Variants in LDLRAD4 observed in about 807,000 individuals in gnomAD.
LDLRAD4 encodes the protein low-density lipoprotein receptor class A domain-containing protein 4.
LDLRAD4 carries 5 observed loss-of-function variants against 17.0 expected under a neutral mutation model. The observed-to-expected ratio is 0.29, with a 90% CI of 0.15 to 0.62. LDLRAD4 has a LOEUF of 0.62. Ranked by LOEUF, LDLRAD4 falls within the 20% of genes least tolerant of loss-of-function variation. The pLI is 0.84. For synonymous variants in LDLRAD4, 168 were observed against 171.8 expected, an observed-to-expected ratio of 0.98 and a Z score of 0.17; for missense variants, 340 against 424.7, an observed-to-expected ratio of 0.80 and a Z score of 1.75.
chr18:13,474,438 T>C (rs2092883669), intron 3 of LDLRAD4, among the ~76,000 whole-genome samples: 2 of 152,134 alleles, frequency 1.3e-5, no homozygotes, highest in Admixed American at 6.5e-5. Context: ...GGAAGCAACA[T>C]TGGGAAGCGG....
chr18:13,557,247 A>G (rs2094493302), intron 3 of LDLRAD4, among the ~76,000 whole-genome samples: 1 of 152,240 alleles, frequency 6.6e-6, no homozygotes, highest in Non-Finnish European at 1.5e-5. Flanking sequence ...ACAGTGAGCT[A>G]TGATCACAAC....
intron 3 of LDLRAD4, among the ~76,000 whole-genome samples, chr18:13,548,908 G>A (rs138696559): frequency 1.6e-3 from 238 of 152,306 alleles, no homozygotes; most frequent in African/African-American, 5.6e-3. Context: ...ATATGAGATG[G>A]GATAATGCAA....
chr18:13,404,659 G>T (rs2087555237), intron 2 of LDLRAD4, among the ~76,000 whole-genome samples: 2 of 152,034 alleles, frequency 1.3e-5, no homozygotes, highest in Non-Finnish European at 1.5e-5. Flanking sequence ...TTAGCCGGGT[G>T]TAGTGGTGAG....
chr18:13,621,307 C>A lies in LDLRAD4; in HGVS notation c.336+36C>A, dbSNP rs775659446. 27 of 1,552,078 alleles carry A rather than the reference C, an allele frequency of 1.7e-5. No individual in the cohort carries two copies. The highest frequency in any genetic ancestry group is 2.3e-5 in the Non-Finnish European group (26 of 1,130,814). ...TGGCCGCCCCGGCTCCAGAGTCAGG[C>A]AGCTGCAAGAGGCTTAGGAGCCCAT... On this transcript the variant is annotated intron_variant, in intron 4 of 5. Transcript: ENST00000359446. This position sits in a 1 kb window ranked among gnomAD's most constrained non-coding sequence, Gnocchi z 5.5.
intron 4 of LDLRAD4, among the ~76,000 whole-genome samples, chr18:13,629,083 A>G (rs937095042): frequency 7.2e-5 from 11 of 152,294 alleles, no homozygotes; most frequent in African/African-American, 2.6e-4. Flanking sequence ...TTCCCACTTC[A>G]GCCTCCCAAA....
At chr18:13,272,926 A>G (rs372200021) in intron 1 of LDLRAD4, among the ~76,000 whole-genome samples, 22 of 152,354 alleles carry the variant, frequency 1.4e-4, no homozygotes, top group South Asian at 4.1e-4. Flanking sequence ...CTTGGCTTCA[A>G]TTTACTCAGA....
chr18:13,553,154 AT>A (rs1316121202), intron 3 of LDLRAD4, among the ~76,000 whole-genome samples: 2 of 152,258 alleles, frequency 1.3e-5, no homozygotes, highest in African/African-American at 4.8e-5. Context: ...ATAGATGGAA[AT>A]AAATAATAAA....
At chr18:13,416,904 A>G (rs868299811) in intron 2 of LDLRAD4, among the ~76,000 whole-genome samples, 7 of 152,338 alleles carry the variant, frequency 4.6e-5, no homozygotes, top group African/African-American at 7.2e-5. Flanking sequence ...TTCTATTTAT[A>G]TTATTTCAAT....
intron 1 of LDLRAD4, among the ~76,000 whole-genome samples, chr18:13,222,843 C>T (rs1285936247): frequency 6.6e-6 from 1 of 152,222 alleles, no homozygotes; most frequent in Non-Finnish European, 1.5e-5. Context: ...AGCTTCTTCC[C>T]AGGAGACCTC....
At chr18:13,251,122 A>G (rs1324603427) in intron 1 of LDLRAD4, among the ~76,000 whole-genome samples, 1 of 152,248 alleles carries the variant, frequency 6.6e-6, no homozygotes, top group Admixed American at 6.5e-5. Context: ...ATGAAGGACA[A>G]AAACCACATG....
intron 3 of LDLRAD4, chr18:13,612,784 C>T (rs1315447529): frequency 3.7e-6 from 6 of 1,613,882 alleles, no homozygotes; most frequent in African/African-American, 1.3e-5. Context: ...GGTACATTTC[C>T]CAAGAACTGC....
rs571930602 is a variant in LDLRAD4, at chr18:13,263,056, G to T, written c.-466-15049G>T. Among the ~76,000 whole-genome samples, 347 of 144,036 alleles carry T rather than the reference G, an allele frequency of 2.4e-3. 6 individuals carry two copies. The highest frequency in any genetic ancestry group is 0.022 in the Admixed American group (312 of 14,280). 94.5% of individuals were successfully genotyped at this position (144,036 alleles called of 152,430 possible). A position where few individuals can be genotyped will look rare whatever the true frequency, so the allele number is the denominator to read the frequency against. On this transcript the variant is annotated intron_variant, in intron 1 of 5. Coordinates refer to the LDLRAD4 transcript ENST00000399848. The stretch of plus-strand genomic sequence containing the variant: ...TGTGTGCGTGGGGGCCGAGTCCCGT[G>T]CGGCTCTGTGTGCGTGGGGGCCGAG...
At chr18:13,603,412 A>T (rs944346957) in intron 3 of LDLRAD4, among the ~76,000 whole-genome samples, 2 of 152,204 alleles carry the variant, frequency 1.3e-5, no homozygotes, top group African/African-American at 4.8e-5. Context: ...GGCCACATTT[A>T]GAGTTGGACT....
intron 2 of LDLRAD4, among the ~76,000 whole-genome samples, chr18:13,411,870 T>G (rs1349777472): frequency 6.6e-6 from 1 of 152,098 alleles, no homozygotes; most frequent in Non-Finnish European, 1.5e-5. Context: ...TGAGACAGAG[T>G]CTTACTCTGT....
At chr18:13,540,557 G>T (rs2094264793) in intron 3 of LDLRAD4, among the ~76,000 whole-genome samples, 1 of 152,180 alleles carries the variant, frequency 6.6e-6, no homozygotes, top group South Asian at 2.1e-4. Flanking sequence ...GCTGGGGGTT[G>T]TTAAATATAT....
rs746634997 is a variant in LDLRAD4, at chr18:13,398,572, TG to T, written c.40+10813del. On this transcript the variant is annotated intron_variant, in intron 2 of 5. Transcript: ENST00000359446. The surrounding 1 kb of genome is among the most constrained non-coding windows in gnomAD (Gnocchi z 4.8). ...GTGGGAAAGTGGGAATGACTGTGGGTGGGTAACGAGGGTCTCAGTTTTGGCT... is the reference window on the plus strand; with the variant it reads ...GTGGGAAAGTGGGAATGACTGTGGGTGGTAACGAGGGTCTCAGTTTTGGCT... Among the ~76,000 whole-genome samples, 2 of 151,818 alleles carry T rather than the reference TG, an allele frequency of 1.3e-5. No individual in the cohort carries two copies. Among genetic ancestry groups the T allele is most frequent in the Non-Finnish European group, 2.9e-5 (2 of 67,936 alleles).
At chr18:13,238,924 T>G (rs1198716232) in intron 1 of LDLRAD4, among the ~76,000 whole-genome samples, 5 of 152,052 alleles carry the variant, frequency 3.3e-5, no homozygotes, top group Non-Finnish European at 7.4e-5. Context: ...GGGTGGCTCA[T>G]GTCTGCAATC....
At chr18:13,396,328 T>G (rs1286986476) in intron 2 of LDLRAD4, among the ~76,000 whole-genome samples, 2 of 152,220 alleles carry the variant, frequency 1.3e-5, no homozygotes, top group East Asian at 3.8e-4. Context: ...TGCTGTCCTT[T>G]GTGGATGCTC....
At chr18:13,280,301 C>A (rs181354138) in intron 1 of LDLRAD4, among the ~76,000 whole-genome samples, 196 of 152,320 alleles carry the variant, frequency 1.3e-3, no homozygotes, top group Admixed American at 3.6e-3. Context: ...CTTGGCAAGT[C>A]CTAACCCTCT....
Sources: gnomAD v4.1 joint callset for allele counts (sites outside exome capture counted in the v4.1 genomes callset) on GRCh38, gnomAD v4.1.1 for gene constraint, Gnocchi (gnomAD v3.1) non-coding constraint, MANE v1.5 for transcripts, NCBI Gene and HGNC (gene_info 2026-07-23, HGNC 2026-07-21) for gene names.